Variants in DCC observed in about 807,000 individuals in gnomAD.
DCC encodes DCC netrin 1 receptor.
In DCC, 58 loss-of-function variants were observed where a neutral mutation model predicts 172.5. That is an observed-to-expected ratio of 0.34 (90% confidence interval 0.27 to 0.42). DCC has a LOEUF of 0.42. Among genes scored for constraint, DCC ranks in the 10% least tolerant of loss-of-function variants. The pLI is 1.00. For missense variants in DCC, 1,740 were observed against 1,791.0 expected (o/e 0.97, Z 0.51); for synonymous variants, 709 against 644.5 (o/e 1.10, Z -1.52).
chr18:53,454,859 C>G (rs71368924), intron 23 of DCC, among the ~76,000 whole-genome samples: 1 of 152,164 alleles, frequency 6.6e-6, no homozygotes, highest in Non-Finnish European at 1.5e-5. Flanking sequence ...GAGATTTGAA[C>G]TATCAGCTAC....
intron 2 of DCC, among the ~76,000 whole-genome samples, chr18:52,903,763 A>C (rs988428236): frequency 1.3e-5 from 2 of 152,212 alleles, no homozygotes; most frequent in African/African-American, 4.8e-5. Context: ...GCCCTACATA[A>C]GCCTCATATC....
intron 9 of DCC, among the ~76,000 whole-genome samples, chr18:53,183,544 C>T (rs968117792): frequency 1.3e-5 from 2 of 151,976 alleles, no homozygotes; most frequent in African/African-American, 4.8e-5. Flanking sequence ...TAAAATGGAC[C>T]ACATACTGGC....
chr18:53,252,387 G>A (rs1312789821), intron 12 of DCC, among the ~76,000 whole-genome samples: 1 of 151,894 alleles, frequency 6.6e-6, no homozygotes, highest in Non-Finnish European at 1.5e-5. Context: ...ATCACTCTGG[G>A]GGTTTAGGTG....
chr18:53,510,558 G>A (rs2046238365), intron 27 of DCC, among the ~76,000 whole-genome samples: 1 of 152,114 alleles, frequency 6.6e-6, no homozygotes, highest in Admixed American at 6.6e-5. Context: ...TGAGAGAAAG[G>A]AGTGCAAAAA....
At chr18:53,213,647 CAAA>C (rs34284373) in intron 11 of DCC, among the ~76,000 whole-genome samples, 14 of 35,376 alleles carry the variant, frequency 4.0e-4, no homozygotes, top group African/African-American at 7.2e-4. Context: ...GACTCCGTCT[CAAA>C]AAAAAAAAAA....
In DCC at chr18:53,381,568, C is replaced by CA. The variant is rs1445740862; in HGVS notation, c.2360-4475_2360-4474insA. ...TTTTATATTTACCCCCCACCCCCCCCCCACCACCACCTTACCACATCATAT... is the reference window on the plus strand; with the variant it reads ...TTTTATATTTACCCCCCACCCCCCCCACCACCACCACCTTACCACATCATAT... On this transcript the variant is annotated intron_variant, in intron 15 of 28. Transcript: ENST00000442544. Among the ~76,000 whole-genome samples, 275 of 106,754 alleles carry CA rather than the reference C, an allele frequency of 2.6e-3. 1 individual carries two copies. The highest frequency in any genetic ancestry group is 8.8e-3 in the African/African-American group (270 of 30,552). The allele number at this position is 106,754 out of a possible 152,430, so 70.0% of individuals were successfully genotyped here. A position where few individuals can be genotyped will look rare whatever the true frequency, so the allele number is the denominator to read the frequency against.
rs35238619 is a variant in DCC at position 53,448,047 on chromosome 18, GT to G, written c.3230-2430del. On this transcript the variant is annotated intron_variant, in intron 22 of 28. Transcript: ENST00000442544. ...CTATAATTTATTTAAATTTTGATGA[GT>G]TTTTTTTTTTTTTTTTTTTTTTACA... Among the ~76,000 whole-genome samples, 578 of 113,722 alleles carry G rather than the reference GT, an allele frequency of 5.1e-3. 5 individuals carry two copies. The highest frequency in any genetic ancestry group is 0.013 in the East Asian group (47 of 3,644). 74.6% of individuals were successfully genotyped at this position (113,722 alleles called of 152,430 possible).
intron 15 of DCC, among the ~76,000 whole-genome samples, chr18:53,381,452 A>G (rs558939597): frequency 6.6e-6 from 1 of 152,184 alleles, no homozygotes; most frequent in South Asian, 2.1e-4. Context: ...CTTCCTATTA[A>G]GTAGAACATT....
intron 2 of DCC, among the ~76,000 whole-genome samples, chr18:52,833,663 T>C (rs1324876390): frequency 1.3e-5 from 2 of 152,140 alleles, no homozygotes; most frequent in Non-Finnish European, 1.5e-5. Context: ...TTAAATGTTA[T>C]ATGTTTCTGT....
chr18:52,700,233 C>CA (rs2036091431), intron 1 of DCC, among the ~76,000 whole-genome samples: 1 of 144,934 alleles, frequency 6.9e-6, no homozygotes, highest in Non-Finnish European at 1.5e-5. Context: ...CACATGCACA[C>CA]TCACATGCAC....
intron 12 of DCC, among the ~76,000 whole-genome samples, chr18:53,279,132 T>C (rs544567631): frequency 1.3e-5 from 2 of 152,310 alleles, no homozygotes; most frequent in African/African-American, 2.4e-5. Context: ...TATCTCATTG[T>C]GGTTTTGATT....
rs137982276 is a variant in DCC at position 53,159,242 on chromosome 18, A to T, written c.1418+1730A>T. On this transcript the variant is annotated intron_variant, in intron 8 of 28. Transcript: ENST00000442544. ...GTACCTTAAATTCAACCTGCCCAAA[A>T]CATACTCACTTTCTCCTCCTTATGT... Among the ~76,000 whole-genome samples the T allele has an allele frequency of 4.0e-3, 603 of 152,082 alleles. 2 individuals carry two copies. Among genetic ancestry groups the T allele is most frequent in the Middle Eastern group, 6.8e-3 (2 of 294 alleles).
chr18:52,710,003 T>G (rs372934255), intron 1 of DCC, among the ~76,000 whole-genome samples: 2 of 152,198 alleles, frequency 1.3e-5, no homozygotes, highest in African/African-American at 4.8e-5. Flanking sequence ...GGTGGTGGGA[T>G]TGCCCATCAG....
At chr18:53,079,628 T>A (rs1263200128) in intron 7 of DCC, among the ~76,000 whole-genome samples, 1 of 152,114 alleles carries the variant, frequency 6.6e-6, no homozygotes, top group Admixed American at 6.6e-5. Flanking sequence ...CCCAGGAATA[T>A]TTAAGTGCAA....
intron 1 of DCC, among the ~76,000 whole-genome samples, chr18:52,624,007 A>G (rs901071385): frequency 6.6e-6 from 1 of 152,158 alleles, no homozygotes; most frequent in Non-Finnish European, 1.5e-5. Context: ...TGTAGGTTAC[A>G]AAAGAGCATT....
chr18:53,066,020 C>A (rs371743674), intron 6 of DCC, 26 bp from the exon 7 acceptor site: 1 of 1,611,356 alleles, frequency 6.2e-7, no homozygotes, highest in Non-Finnish European at 8.5e-7. Context: ...TTCTAAAATA[C>A]TTTACCTGCT....
At chr18:53,492,252 T>G (rs1229416504) in intron 26 of DCC, among the ~76,000 whole-genome samples, 1 of 152,224 alleles carries the variant, frequency 6.6e-6, no homozygotes, top group African/African-American at 2.4e-5. Flanking sequence ...TTTCTCCCAT[T>G]CTGTAGGTTG....
At chr18:52,957,703 C>A (rs1299832634) in intron 5 of DCC, among the ~76,000 whole-genome samples, 2 of 152,056 alleles carry the variant, frequency 1.3e-5, no homozygotes, top group African/African-American at 4.8e-5. Flanking sequence ...GTGTCCAGGG[C>A]AAGATCTGTG....
intron 27 of DCC, among the ~76,000 whole-genome samples, chr18:53,509,891 T>C (rs775176927): frequency 3.3e-5 from 5 of 152,226 alleles, no homozygotes; most frequent in South Asian, 4.1e-4. Context: ...TGAGTACTTG[T>C]GCTCTACTCA....
Sources: allele counts gnomAD v4.1 joint callset (sites outside exome capture counted in the v4.1 genomes callset), GRCh38; gene constraint gnomAD v4.1.1; transcripts MANE v1.5; gene names NCBI Gene and HGNC (gene_info 2026-07-23, HGNC 2026-07-21).